Variants in RTN1 observed in about 807,000 individuals in gnomAD.
RTN1 encodes the protein reticulon 1.
A neutral mutation model predicts 65.5 loss-of-function variants in RTN1; 25 were observed. The observed-to-expected ratio is 0.38, with a 90% CI of 0.28 to 0.53. RTN1 has a LOEUF of 0.53. Ranked by LOEUF, RTN1 falls within the 20% of genes least tolerant of loss-of-function variation. The pLI is 0.79. For missense variants in RTN1, 983 were observed against 1,025.4 expected, an observed-to-expected ratio of 0.96 and a Z score of 0.57; for synonymous variants, 471 against 447.6, an observed-to-expected ratio of 1.05 and a Z score of -0.66.
At chr14:59,673,995 A>G (rs142772156) in intron 3 of RTN1, among the ~76,000 whole-genome samples, 127 of 152,226 alleles carry the variant, frequency 8.3e-4, no homozygotes, top group African/African-American at 2.9e-3. Context: ...GTGAGTGTCT[A>G]TTATTTACAA....
intron 3 of RTN1, among the ~76,000 whole-genome samples, chr14:59,706,169 C>T (rs1884289843): frequency 6.6e-6 from 1 of 152,230 alleles, no homozygotes; most frequent in Non-Finnish European, 1.5e-5. Context: ...TCTTTACCTG[C>T]ATAAGACAAA....
chr14:59,660,014 C>T (rs1159856582), intron 3 of RTN1, among the ~76,000 whole-genome samples: 1 of 152,044 alleles, frequency 6.6e-6, no homozygotes, highest in African/African-American at 2.4e-5. Context: ...TGCAAAGACA[C>T]ACATAAGCTT....
chr14:59,610,073 A>G, intron 3 of RTN1: 1 of 769,252 alleles, frequency 1.3e-6, no homozygotes, highest in South Asian at 1.4e-5. Context: ...AAGAGAAGAT[A>G]GAATTTGCTA....
chr14:59,635,134 C>T (rs575420254), intron 3 of RTN1, among the ~76,000 whole-genome samples: 6 of 152,110 alleles, frequency 3.9e-5, no homozygotes, highest in Admixed American at 2.0e-4. Flanking sequence ...TGTAAGGCAT[C>T]GCAGACAAGG....
At chr14:59,831,726 G>A (rs1887127568) in intron 1 of RTN1, among the ~76,000 whole-genome samples, 1 of 151,570 alleles carries the variant, frequency 6.6e-6, no homozygotes, top group African/African-American at 2.4e-5. Context: ...ATGGCAGTAG[G>A]GCAGGACATA....
intron 3 of RTN1, among the ~76,000 whole-genome samples, chr14:59,713,689 T>A (rs1345042912): frequency 6.6e-6 from 1 of 152,258 alleles, no homozygotes; most frequent in East Asian, 1.9e-4. Context: ...TCAGTTTTCC[T>A]AGGTGTCTCC....
chr14:59,635,056 A>C (rs1216695994), intron 3 of RTN1, among the ~76,000 whole-genome samples: 1 of 152,204 alleles, frequency 6.6e-6, no homozygotes, highest in African/African-American at 2.4e-5. Flanking sequence ...TTCTAGGGTT[A>C]TGACAGTCAA....
intron 1 of RTN1, among the ~76,000 whole-genome samples, chr14:59,869,896 A>C (rs1266479038): frequency 1.3e-5 from 2 of 152,032 alleles, no homozygotes; most frequent in East Asian, 1.9e-4. Flanking sequence ...GGTAAGGGGC[A>C]GTTACAGCCA....
At chr14:59,776,027 G>C (rs1389616563) in intron 1 of RTN1, among the ~76,000 whole-genome samples, 1 of 152,082 alleles carries the variant, frequency 6.6e-6, no homozygotes, top group Non-Finnish European at 1.5e-5. Context: ...AAAGTTTAGG[G>C]CATTTCTAGC....
At chr14:59,862,875 C>T (rs1566751860) in intron 1 of RTN1, among the ~76,000 whole-genome samples, 1 of 152,160 alleles carries the variant, frequency 6.6e-6, no homozygotes, top group Non-Finnish European at 1.5e-5. Context: ...AAACTTTCAA[C>T]AATTCCACTC....
At position 59,683,954 on chromosome 14, in the gene RTN1, T is replaced by C. The variant is rs113464553; in HGVS notation, c.1765+42965A>G. Reference sequence around the variant, plus strand: ...TACCAAGGATTGCCCTTTGAGTTAGTGCCTTAAAAGTAGTAATTTTAGTGA... The same window carrying C: ...TACCAAGGATTGCCCTTTGAGTTAGCGCCTTAAAAGTAGTAATTTTAGTGA... On this transcript the variant is annotated intron_variant, in intron 3 of 8. Coordinates refer to ENST00000267484, the MANE Select transcript of RTN1 (RefSeq NM_021136.3). Among the ~76,000 whole-genome samples, 1,296 of 152,216 alleles carry C rather than the reference T, an allele frequency of 8.5e-3. 8 individuals are homozygous for C. Among genetic ancestry groups the C allele is most frequent in the Non-Finnish European group, 0.015 (1,023 of 67,936 alleles).
intron 1 of RTN1, among the ~76,000 whole-genome samples, chr14:59,855,141 T>C (rs181200519): frequency 1.1e-3 from 170 of 152,356 alleles, no homozygotes; most frequent in Non-Finnish European, 1.9e-3. Context: ...ACCCTATTAA[T>C]ATGAATACTC....
intron 1 of RTN1, among the ~76,000 whole-genome samples, chr14:59,761,168 G>A (rs1885740392): frequency 6.6e-6 from 1 of 152,106 alleles, no homozygotes. Flanking sequence ...TCATAAATTT[G>A]AAAGACATTA....
chr14:59,768,146 G>A (rs7149764), intron 1 of RTN1, among the ~76,000 whole-genome samples: 3,865 of 152,256 alleles, frequency 0.025, 166 homozygotes, highest in African/African-American at 0.088. Flanking sequence ...TAATTGATAT[G>A]ATTGAAATTG....
intron 2 of RTN1, among the ~76,000 whole-genome samples, chr14:59,731,078 A>G (rs1362605240): frequency 6.6e-6 from 1 of 152,244 alleles, no homozygotes; most frequent in Non-Finnish European, 1.5e-5. Flanking sequence ...CATTATTCAT[A>G]ATAGCCAGAA....
intron 3 of RTN1, among the ~76,000 whole-genome samples, chr14:59,608,438 C>T (rs1881835718): frequency 1.3e-5 from 2 of 152,158 alleles, no homozygotes; most frequent in African/African-American, 4.8e-5. Context: ...GGAGCTACTC[C>T]CATTTTACAT....
intron 1 of RTN1, among the ~76,000 whole-genome samples, chr14:59,819,718 G>C (rs1886904151): frequency 6.6e-6 from 1 of 152,116 alleles, no homozygotes; most frequent in Non-Finnish European, 1.5e-5. Flanking sequence ...CTGCCTTGTG[G>C]GGAGGCGGCT....
chr14:59,630,271 A>C (rs1202779805), intron 3 of RTN1, among the ~76,000 whole-genome samples: 4 of 151,996 alleles, frequency 2.6e-5, no homozygotes, highest in African/African-American at 7.3e-5. Flanking sequence ...AAAAAACAAC[A>C]ACCAAGCACC....
At position 59,766,531 on chromosome 14, in the gene RTN1, C is replaced by G. The variant is rs576677306; in HGVS notation, c.242-20050G>C. Among the ~76,000 whole-genome samples, 4 of 152,194 alleles carry G rather than the reference C, an allele frequency of 2.6e-5. No individual in the cohort carries two copies. In the South Asian group the frequency reaches 6.2e-4, roughly 24 times the overall value. ...AAACTAGGGGTTCAAATAGAGCTATCCAGTTACCTCCTAGCTTCTGGTTGT... is the reference window on the plus strand; with the variant it reads ...AAACTAGGGGTTCAAATAGAGCTATGCAGTTACCTCCTAGCTTCTGGTTGT... On this transcript the variant is annotated intron_variant, in intron 1 of 8. Coordinates refer to ENST00000267484, the MANE Select transcript of RTN1 (RefSeq NM_021136.3). This position sits in a 1 kb window ranked among gnomAD's most constrained non-coding sequence, Gnocchi z 4.4.
Sources: allele counts gnomAD v4.1 joint callset (sites outside exome capture counted in the v4.1 genomes callset), GRCh38; gene constraint gnomAD v4.1.1; non-coding constraint Gnocchi (gnomAD v3.1); transcripts MANE v1.5; gene names NCBI Gene and HGNC (gene_info 2026-07-23, HGNC 2026-07-21).